The following MIER2 variants were observed in gnomAD, a reference collection of about 807,000 sequenced individuals.
The protein encoded by MIER2 is mesoderm induction early response protein 2.
In MIER2, 30 loss-of-function variants were observed where a neutral mutation model predicts 67.6. That is an observed-to-expected ratio of 0.44 (90% CI 0.33 to 0.60). The LOEUF is 0.60. Ranked by LOEUF, MIER2 falls within the 20% of genes least tolerant of loss-of-function variation. The probability of loss-of-function intolerance (pLI) is 0.02; values close to 1 mark genes in which losing one functional copy is unlikely to be tolerated. For synonymous variants in MIER2, 372 were observed against 312.6 expected, an observed-to-expected ratio of 1.19 and a Z score of -2.00; for missense variants, 702 against 745.1, an observed-to-expected ratio of 0.94 and a Z score of 0.67.
Position 342,151 on chromosome 19 carries a change from T to C in MIER2, c.9+2623A>G, listed in dbSNP as rs938277512. 7.2e-5 allele frequency among the ~76,000 whole-genome samples: 11 copies of C among 152,226 alleles called. No homozygotes were observed. In the South Asian group the frequency reaches 1.2e-3, roughly 17 times the overall value. ...CACCAACTCAAGTGCCAGGCGCTTGTTGGACTACCCAGCACCCCACTCCTC... is the reference window on the plus strand; with the variant it reads ...CACCAACTCAAGTGCCAGGCGCTTGCTGGACTACCCAGCACCCCACTCCTC... On this transcript the variant is annotated intron_variant, in intron 1 of 13. Transcript: ENST00000264819.
intron 1 of MIER2, among the ~76,000 whole-genome samples, chr19:336,971 T>C (rs1972285891): frequency 6.6e-6 from 1 of 151,968 alleles, no homozygotes; most frequent in African/African-American, 2.4e-5. Context: ...GCCTCCCGAG[T>C]AGCTAGGACT....
intron 1 of MIER2, among the ~76,000 whole-genome samples, chr19:341,277 G>A (rs768109561): frequency 2.1e-4 from 32 of 152,250 alleles, no homozygotes; most frequent in Non-Finnish European, 1.6e-4. Context: ...CAGTCTGGAC[G>A]GCAAGTTGAC....
At chr19:339,261 G>A (rs549655230) in intron 1 of MIER2, among the ~76,000 whole-genome samples, 1 of 152,188 alleles carries the variant, frequency 6.6e-6, no homozygotes, top group African/African-American at 2.4e-5. Flanking sequence ...ACTCAATAAG[G>A]AAGAGAGAAT....
chr19:320,400 G>A lies in MIER2; in HGVS notation c.655+5235C>T, dbSNP rs190520249. ...GTCCAAAAAACTAAATAGATAGATA[G>A]ATAAATAAATAAAATTTAAATTTAA... On this transcript the variant is annotated intron_variant, in intron 7 of 13. Coordinates refer to ENST00000264819, the MANE Select transcript of MIER2 (RefSeq NM_017550.3). 4.5e-3 allele frequency among the ~76,000 whole-genome samples: 683 copies of A among 151,376 alleles called. 2 individuals are homozygous for A. Among genetic ancestry groups the A allele is most frequent in the Admixed American group, 8.3e-3 (127 of 15,210 alleles).
chr19:319,091 C>G (rs1410514645), intron 7 of MIER2, among the ~76,000 whole-genome samples: 3 of 149,470 alleles, frequency 2.0e-5, no homozygotes, highest in Admixed American at 6.7e-5. Flanking sequence ...AGGCTGGGTG[C>G]TGGTTCATGC....
rs530591030 is a variant in MIER2 at position 340,887 on chromosome 19, G to A, written c.9+3887C>T. Among the ~76,000 whole-genome samples, 7 of 152,258 alleles carry A rather than the reference G, an allele frequency of 4.6e-5. No homozygotes were observed. In the South Asian group the frequency reaches 1.4e-3, roughly 32 times the overall value. ...AGAAGACAGAGGGAAGGAAGAGCCA[G>A]CAGGGCCCCCAGGGGGAAGGGGCCA... is the stretch of plus-strand genomic sequence containing the variant. On this transcript the variant is annotated intron_variant, in intron 1 of 13. Coordinates refer to ENST00000264819, the MANE Select transcript of MIER2 (RefSeq NM_017550.3).
At chr19:338,395 T>C (rs995164258) in intron 1 of MIER2, among the ~76,000 whole-genome samples, 3 of 149,546 alleles carry the variant, frequency 2.0e-5, no homozygotes, top group Non-Finnish European at 3.0e-5. Flanking sequence ...AAGTGTGAAA[T>C]GTGTACAGTA....
At chr19:325,801 C>A (rs112132149) in intron 6 of MIER2, 97 bp from the exon 7 acceptor site, 2 of 1,352,906 alleles carry the variant, frequency 1.5e-6, no homozygotes. Flanking sequence ...CGGGGAGGGG[C>A]CACTGTCCAG....
At position 306,635 on chromosome 19, in the gene MIER2, C is replaced by T. The variant is rs865851183; in HGVS notation, c.*55G>A. The T allele has an allele frequency of 2.6e-6, 4 of 1,548,578 alleles. No homozygotes were observed. Among genetic ancestry groups the T allele is most frequent in the Middle Eastern group, 1.7e-4 (1 of 5,866 alleles). On this transcript the variant is annotated 3_prime_UTR_variant, in exon 14 of 14. Transcript: ENST00000264819. ...GGTCAGGAAGACTGACAGAGGCGGG[C>T]CCAGCGGCAGCGCTAAGTCCAGTCT...
chr19:327,351 C>T, intron 4 of MIER2, 95 bp from the exon 5 acceptor site: 1 of 1,422,452 alleles, frequency 7.0e-7, no homozygotes, highest in Non-Finnish European at 9.5e-7. Context: ...TGGGAGTGCC[C>T]TGAGGCTCAC....
chr19:327,356 G>A, intron 4 of MIER2, 100 bp from the exon 5 acceptor site: 2 of 1,383,428 alleles, frequency 1.4e-6, no homozygotes, highest in Non-Finnish European at 9.8e-7. Flanking sequence ...GTGCCCTGAG[G>A]CTCACATGGG....
At chr19:326,142 T>C (rs1205714185) in intron 6 of MIER2, among the ~76,000 whole-genome samples, 6 of 142,162 alleles carry the variant, frequency 4.2e-5, no homozygotes, top group South Asian at 4.6e-4. Flanking sequence ...GGCAGAGCCA[T>C]GGGAGGGATG....
In MIER2 at chr19:326,472, G is replaced by A. The variant is rs200522678; in HGVS notation, c.585+35C>T. 4.4e-6 allele frequency: 7 copies of A among 1,584,574 alleles called. No homozygotes were observed. In the African/African-American group the frequency reaches 8.1e-5, roughly 18 times the overall value. ...TGGGGAGACGGCAGAACCACGGCCG[G>A]GATGCCAGGTTGGGGAGATGGCAGA... On this transcript the variant is annotated intron_variant, in intron 6 of 13. Transcript: ENST00000264819.
chr19:335,327 C>G (rs1451996891), intron 2 of MIER2, among the ~76,000 whole-genome samples: 1 of 152,244 alleles, frequency 6.6e-6, no homozygotes. Context: ...GCACCACACA[C>G]AGCCCATGCA....
intron 1 of MIER2, among the ~76,000 whole-genome samples, chr19:340,331 G>A (rs1017912080): frequency 7.9e-5 from 12 of 152,204 alleles, no homozygotes; most frequent in African/African-American, 2.9e-4. Flanking sequence ...GAAAACCCAT[G>A]CATGACTTCT....
rs1240765033 is a variant in MIER2 at position 344,789 on chromosome 19, G to C, written c.-7C>G. 3.3e-5 allele frequency: 40 copies of C among 1,197,996 alleles called. No homozygotes were observed. Among genetic ancestry groups the C allele is most frequent in the Non-Finnish European group, 4.0e-5 (39 of 966,056 alleles). The allele number at this position is 1,197,996 out of a possible 1,614,324, so 74.2% of individuals were successfully genotyped here. A position where few individuals can be genotyped will look rare whatever the true frequency, so the allele number is the denominator to read the frequency against. On this transcript the variant is annotated 5_prime_UTR_variant, in exon 1 of 14. Transcript: ENST00000264819. ...GCTCACTCACCTCCGCCATGGCCGT[G>C]TGTGCGCGGGAGGCGGTGGCCGCGC...
At position 306,396 on chromosome 19, in the gene MIER2, G is replaced by A. The variant is rs1970649400; in HGVS notation, c.*294C>T. The A allele has an allele frequency of 3.6e-6, 2 of 560,094 alleles. No individual in the cohort carries two copies. Among genetic ancestry groups the A allele is most frequent in the African/African-American group, 3.8e-5 (2 of 52,530 alleles). The allele number at this position is 560,094 out of a possible 1,614,324, so 34.7% of individuals were successfully genotyped here. ...GCTCTGCCCTGCGTCCCAACGGCGG[G>A]GTCTCTTCTGTCCCCGGCTGCCCGA... On this transcript the variant is annotated 3_prime_UTR_variant, in exon 14 of 14. Transcript: ENST00000264819.
At chr19:321,341 A>G (rs72984476) in intron 7 of MIER2, among the ~76,000 whole-genome samples, 22,738 of 152,142 alleles carry the variant, frequency 0.15, 2,190 homozygotes, top group African/African-American at 0.26. Context: ...CCGTTAACTT[A>G]ACGTTTGAAA....
At chr19:332,387 C>T (rs1972067375) in intron 3 of MIER2, among the ~76,000 whole-genome samples, 1 of 152,130 alleles carries the variant, frequency 6.6e-6, no homozygotes, top group Non-Finnish European at 1.5e-5. Flanking sequence ...ACTGCAACCT[C>T]CGCCTCCTGG....
Sources: gnomAD v4.1 joint callset for allele counts (sites outside exome capture counted in the v4.1 genomes callset) on GRCh38, gnomAD v4.1.1 for gene constraint, MANE v1.5 for transcripts, NCBI Gene and HGNC (gene_info 2026-07-23, HGNC 2026-07-21) for gene names.